Variants in PLCB1 observed in about 807,000 individuals in gnomAD.
PLCB1 encodes the protein 1-phosphatidylinositol 4,5-bisphosphate phosphodiesterase beta-1.
A neutral mutation model predicts 161.8 loss-of-function variants in PLCB1; 46 were observed. The observed-to-expected ratio is 0.28, with a 90% CI of 0.22 to 0.36. The LOEUF is 0.36. PLCB1 is among the 10% of genes least tolerant of loss of function. The pLI is 1.00. For synonymous variants in PLCB1, 517 were observed against 503.7 expected (o/e 1.03, Z -0.35); for missense variants, 1,016 against 1,472.5 (o/e 0.69, Z 5.07).
At chr20:8,180,938 AGTGTGTGTGTGTGTGT>A (rs10604975) in intron 2 of PLCB1, among the ~76,000 whole-genome samples, 2 of 149,616 alleles carry the variant, frequency 1.3e-5, no homozygotes, top group African/African-American at 4.9e-5. Context: ...ATAATGTAAA[AGTGTGTGTGTGTGTGT>A]GTGTGTGTGT....
At chr20:8,544,570 G>C (rs1026739947) in intron 3 of PLCB1, among the ~76,000 whole-genome samples, 2 of 152,222 alleles carry the variant, frequency 1.3e-5, no homozygotes, top group African/African-American at 4.8e-5. Context: ...TGCTGGAAAA[G>C]TGCTTTGAAA....
chr20:8,837,652 G>A (rs369239965), intron 31 of PLCB1, among the ~76,000 whole-genome samples: 6 of 152,286 alleles, frequency 3.9e-5, no homozygotes, highest in African/African-American at 9.6e-5. Context: ...GTTAGAGTGG[G>A]TTTGTCATTC....
intron 3 of PLCB1, among the ~76,000 whole-genome samples, chr20:8,526,283 A>C (rs915053606): frequency 9.2e-5 from 14 of 152,140 alleles, no homozygotes; most frequent in Admixed American, 7.9e-4. Flanking sequence ...ATTTTATTTG[A>C]GCACTGGCTC....
At chr20:8,348,948 A>C (rs572590538) in intron 2 of PLCB1, among the ~76,000 whole-genome samples, 73 of 152,270 alleles carry the variant, frequency 4.8e-4, no homozygotes, top group African/African-American at 1.6e-3. Context: ...GGCTTTCTTC[A>C]ACATGAAGAA....
At chr20:8,523,149 G>T (rs977692667) in intron 3 of PLCB1, among the ~76,000 whole-genome samples, 2 of 151,936 alleles carry the variant, frequency 1.3e-5, no homozygotes, top group Non-Finnish European at 2.9e-5. Flanking sequence ...TTGGACAAAG[G>T]GGGTAGTAGG....
At chr20:8,641,883 T>G (rs1339612058) in intron 4 of PLCB1, among the ~76,000 whole-genome samples, 1 of 152,170 alleles carries the variant, frequency 6.6e-6, no homozygotes, top group Non-Finnish European at 1.5e-5. Context: ...GATCATGTAT[T>G]TATTATAAAT....
intron 31 of PLCB1, among the ~76,000 whole-genome samples, chr20:8,800,697 A>C (rs1322210341): frequency 6.6e-6 from 1 of 151,530 alleles, no homozygotes; most frequent in Admixed American, 6.6e-5. Flanking sequence ...TTTTCTTTGC[A>C]CCTTTCGTAT....
At chr20:8,146,847 A>G (rs2051459054) in intron 1 of PLCB1, among the ~76,000 whole-genome samples, 1 of 152,244 alleles carries the variant, frequency 6.6e-6, no homozygotes, top group African/African-American at 2.4e-5. Flanking sequence ...AGTAAAACGT[A>G]TTATATCAAA....
chr20:8,817,192 T>A (rs902075133), intron 31 of PLCB1, among the ~76,000 whole-genome samples: 1 of 152,202 alleles, frequency 6.6e-6, no homozygotes, highest in African/African-American at 2.4e-5. Context: ...AAACTCTGTA[T>A]AACTTTTTAA....
intron 9 of PLCB1, among the ~76,000 whole-genome samples, chr20:8,680,945 G>A (rs1306768798): frequency 6.6e-6 from 1 of 150,542 alleles, no homozygotes; most frequent in Admixed American, 6.6e-5. Context: ...TCTAGTTTGT[G>A]TTTTTGGTTT....
At chr20:8,178,235 A>C (rs1432455505) in intron 2 of PLCB1, among the ~76,000 whole-genome samples, 2 of 152,180 alleles carry the variant, frequency 1.3e-5, no homozygotes, top group Non-Finnish European at 2.9e-5. Flanking sequence ...GCTGGGTTGA[A>C]TGGTAGTTCT....
chr20:8,349,357 A>G lies in PLCB1; in HGVS notation c.178-22025A>G, dbSNP rs1986105156. On this transcript the variant is annotated intron_variant, in intron 2 of 31. Transcript: ENST00000338037. Reference sequence around the variant, plus strand: ...CATATTTACAGTCACAATTCAATATAAAGGGTCTTTTGCTAGCGTTCATGT... The same window carrying G: ...CATATTTACAGTCACAATTCAATATGAAGGGTCTTTTGCTAGCGTTCATGT... Among the ~76,000 whole-genome samples the G allele has an allele frequency of 2.0e-5, 3 of 152,236 alleles. No homozygotes were observed. The South Asian group carries it at 6.2e-4, about 31-fold the overall frequency.
At chr20:8,359,739 G>A (rs1384482591) in intron 2 of PLCB1, among the ~76,000 whole-genome samples, 2 of 152,046 alleles carry the variant, frequency 1.3e-5, no homozygotes, top group Non-Finnish European at 2.9e-5. Context: ...AGAACCCCTA[G>A]TCTCGAATGC....
Position 8,344,537 on chromosome 20 carries a change from C to T in PLCB1, c.178-26845C>T, listed in dbSNP as rs1600330785. Among the ~76,000 whole-genome samples the T allele has an allele frequency of 1.3e-5, 2 of 152,232 alleles. 1 individual carries two copies. The highest frequency in any genetic ancestry group is 3.8e-4 in the East Asian group (2 of 5,196). ...TTTCATGCGCAAGTTCTAGGCTTCT[C>T]ATGGTGTTCCACCCTTTGTGGCTTC... On this transcript the variant is annotated intron_variant, in intron 2 of 31. Coordinates refer to ENST00000338037, the MANE Select transcript of PLCB1 (RefSeq NM_015192.4).
chr20:8,241,340 T>A (rs1980601541), intron 2 of PLCB1, among the ~76,000 whole-genome samples: 1 of 151,970 alleles, frequency 6.6e-6, no homozygotes, highest in African/African-American at 2.4e-5. Flanking sequence ...TGTCTGATGA[T>A]CCTGGCTAAG....
At chr20:8,850,784 C>A (rs750433351) in intron 31 of PLCB1, among the ~76,000 whole-genome samples, 11 of 152,134 alleles carry the variant, frequency 7.2e-5, no homozygotes, top group Non-Finnish European at 1.2e-4. Context: ...TTGGAATTCC[C>A]AGCCTCCAGA....
chr20:8,346,012 GA>G (rs1985990117), intron 2 of PLCB1, among the ~76,000 whole-genome samples: 1 of 152,144 alleles, frequency 6.6e-6, no homozygotes. Context: ...AGAGGCCAAG[GA>G]TATTTGTGTT....
intron 3 of PLCB1, chr20:8,372,231 A>G (rs898841363): frequency 1.3e-5 from 2 of 152,210 alleles, no homozygotes; most frequent in South Asian, 2.1e-4. Flanking sequence ...GCGTCTTTCC[A>G]TACTTGATAT....
chr20:8,569,749 T>C (rs1390013908), intron 3 of PLCB1, among the ~76,000 whole-genome samples: 1 of 152,202 alleles, frequency 6.6e-6, no homozygotes, highest in African/African-American at 2.4e-5. Flanking sequence ...AGAAAAATGA[T>C]GCACAAAAGT....
Sources: allele counts gnomAD v4.1 joint callset (sites outside exome capture counted in the v4.1 genomes callset), GRCh38; gene constraint gnomAD v4.1.1; transcripts MANE v1.5; gene names NCBI Gene and HGNC (gene_info 2026-07-23, HGNC 2026-07-21).